The following FTO variants were observed in gnomAD, a reference collection of about 807,000 sequenced individuals.
FTO encodes alpha-ketoglutarate-dependent dioxygenase FTO.
FTO carries 47 observed loss-of-function variants against 63.9 expected under a neutral mutation model. The observed-to-expected ratio is 0.74, with a 90% CI of 0.58 to 0.94. FTO has a LOEUF of 0.94. Among genes scored for constraint, FTO ranks in the 40% least tolerant of loss-of-function variants. FTO has a pLI of 0.00. For missense variants in FTO, 562 were observed against 618.1 expected, an observed-to-expected ratio of 0.91 and a Z score of 0.96; for synonymous variants, 207 against 224.4, an observed-to-expected ratio of 0.92 and a Z score of 0.69.
intron 8 of FTO, among the ~76,000 whole-genome samples, chr16:54,003,801 G>T (rs2084129400): frequency 6.6e-6 from 1 of 152,030 alleles, no homozygotes; most frequent in South Asian, 2.1e-4. Context: ...ATCTTAAGTT[G>T]TTTTACATTT....
At chr16:54,061,623 G>GTA (rs2085577144) in intron 8 of FTO, 1 of 152,262 alleles carries the variant, frequency 6.6e-6, no homozygotes, top group African/African-American at 2.4e-5. Flanking sequence ...GTGTGTGTGT[G>GTA]TGTGTGTGTA....
intron 8 of FTO, among the ~76,000 whole-genome samples, chr16:53,960,941 A>C (rs1421367612): frequency 6.6e-6 from 1 of 152,158 alleles, no homozygotes; most frequent in East Asian, 1.9e-4. Context: ...GGTGCTCGTC[A>C]TTTTTGTCTC....
At position 53,709,210 on chromosome 16, in the gene FTO, G is replaced by A. The variant is rs2075707003; in HGVS notation, c.45+4981G>A. Among the ~76,000 whole-genome samples, 4 of 152,096 alleles carry A rather than the reference G, an allele frequency of 2.6e-5. No homozygotes were observed. In the South Asian group the frequency reaches 8.3e-4, roughly 32 times the overall value. ...TGCTTATGCTATGGACTTTTATGCT[G>A]TTTCCAAGTCTGGAGGGTGAATAAG... On this transcript the variant is annotated intron_variant, in intron 1 of 8. Transcript: ENST00000471389.
At chr16:53,706,965 C>T (rs929898762) in intron 1 of FTO, among the ~76,000 whole-genome samples, 4 of 152,136 alleles carry the variant, frequency 2.6e-5, no homozygotes, top group East Asian at 1.9e-4. Flanking sequence ...TTATTTCTGT[C>T]GGGTAATGCC....
At chr16:54,011,245 A>G (rs1325522594) in intron 8 of FTO, among the ~76,000 whole-genome samples, 6 of 152,252 alleles carry the variant, frequency 3.9e-5, no homozygotes, top group Admixed American at 3.9e-4. Flanking sequence ...GATATAAAAC[A>G]AAAAGCTATG....
At chr16:54,031,887 C>T (rs2084840445) in intron 8 of FTO, among the ~76,000 whole-genome samples, 1 of 152,036 alleles carries the variant, frequency 6.6e-6, no homozygotes, top group Non-Finnish European at 1.5e-5. Flanking sequence ...CATGGGCAGA[C>T]AGATGGAAAG....
At chr16:53,905,050 G>C (rs987310311) in intron 7 of FTO, among the ~76,000 whole-genome samples, 1 of 152,032 alleles carries the variant, frequency 6.6e-6, no homozygotes, top group African/African-American at 2.4e-5. Context: ...AGCAGGGGAG[G>C]AGAGCTTTCT....
rs147828832 is a variant in FTO, at chr16:54,067,838, A to G, written c.1365-43924A>G. On this transcript the variant is annotated intron_variant, in intron 8 of 8. Transcript: ENST00000471389. Reference sequence around the variant, plus strand: ...TTGTTTACTTTCTATAGTAGTTTCTATGAAATGCAAACAAGGGAGCCAAGT... The same window carrying G: ...TTGTTTACTTTCTATAGTAGTTTCTGTGAAATGCAAACAAGGGAGCCAAGT... Among the ~76,000 whole-genome samples the G allele has an allele frequency of 7.1e-3, 1,078 of 152,310 alleles. 3 individuals carry two copies. Among genetic ancestry groups the G allele is most frequent in the Non-Finnish European group, 0.012 (809 of 68,008 alleles).
At chr16:53,840,056 G>C (rs1015407791) in intron 3 of FTO, among the ~76,000 whole-genome samples, 5 of 152,024 alleles carry the variant, frequency 3.3e-5, no homozygotes, top group East Asian at 1.9e-4. Context: ...ACCCACCTCA[G>C]CCTCCCAATG....
chr16:54,005,198 A>C (rs2084172727), intron 8 of FTO, among the ~76,000 whole-genome samples: 1 of 148,528 alleles, frequency 6.7e-6, no homozygotes, highest in African/African-American at 2.4e-5. Context: ...ACCTTTTTCT[A>C]TCCCATTTTT....
intron 8 of FTO, among the ~76,000 whole-genome samples, chr16:54,016,974 C>T (rs1382341101): frequency 6.6e-6 from 1 of 152,056 alleles, no homozygotes; most frequent in Non-Finnish European, 1.5e-5. Flanking sequence ...ATTATTTGTT[C>T]CATGTTGGGC....
intron 4 of FTO, among the ~76,000 whole-genome samples, chr16:53,867,329 A>G (rs564484539): frequency 1.3e-5 from 2 of 152,146 alleles, no homozygotes; most frequent in African/African-American, 4.8e-5. Context: ...AAGAAGAATG[A>G]TATAGATCAG....
At chr16:53,721,240 A>C (rs1231115737) in intron 1 of FTO, among the ~76,000 whole-genome samples, 1 of 152,218 alleles carries the variant, frequency 6.6e-6, no homozygotes, top group African/African-American at 2.4e-5. Context: ...GCACATGCGT[A>C]ACTTGAGGAT....
At chr16:54,081,478 G>A (rs1289559168) in intron 8 of FTO, among the ~76,000 whole-genome samples, 1 of 152,092 alleles carries the variant, frequency 6.6e-6, no homozygotes, top group Non-Finnish European at 1.5e-5. Flanking sequence ...TGGCTGTGTG[G>A]CCCCAGAGTC....
intron 2 of FTO, among the ~76,000 whole-genome samples, chr16:53,820,699 A>G (rs1259469169): frequency 2.0e-5 from 3 of 150,012 alleles, no homozygotes; most frequent in East Asian, 2.0e-4. Flanking sequence ...TCATTGTTCA[A>G]TTCCCACCTA....
chr16:53,885,428 G>A (rs868659080), intron 6 of FTO, among the ~76,000 whole-genome samples: 5 of 152,182 alleles, frequency 3.3e-5, no homozygotes, highest in Admixed American at 3.3e-4. Context: ...TCCAGAGATT[G>A]TATCTCATGG....
intron 4 of FTO, among the ~76,000 whole-genome samples, chr16:53,853,483 C>G (rs558998613): frequency 5.3e-5 from 8 of 151,880 alleles, no homozygotes; most frequent in Non-Finnish European, 1.2e-4. Flanking sequence ...CCATCCTCCT[C>G]TCTTCTGAAT....
chr16:53,993,002 T>A (rs1388673085), intron 8 of FTO: 2 of 152,246 alleles, frequency 1.3e-5, no homozygotes, highest in African/African-American at 4.8e-5. Flanking sequence ...TGACCCGGCT[T>A]AGCCTGGGAA....
chr16:54,058,763 A>G (rs1319142980), intron 8 of FTO, among the ~76,000 whole-genome samples: 1 of 152,152 alleles, frequency 6.6e-6, no homozygotes, highest in East Asian at 1.9e-4. Context: ...GAATGATGGA[A>G]CAATTGGTTG....
Sources: allele counts gnomAD v4.1 joint callset (sites outside exome capture counted in the v4.1 genomes callset), GRCh38; gene constraint gnomAD v4.1.1; transcripts MANE v1.5; gene names NCBI Gene and HGNC (gene_info 2026-07-23, HGNC 2026-07-21).